Variants in IL31RA observed in about 807,000 individuals in gnomAD.
IL31RA encodes the protein interleukin-31 receptor subunit alpha.
A neutral mutation model predicts 83.7 loss-of-function variants in IL31RA; 66 were observed. That is an observed-to-expected ratio of 0.79 (90% CI 0.65 to 0.97). The LOEUF (loss-of-function observed/expected upper bound fraction) is 0.97, where lower values mean the gene tolerates loss of function less well. IL31RA is among the 50% of genes least tolerant of loss of function. The pLI, the probability that IL31RA is intolerant of heterozygous loss-of-function variation, is 0.00. For synonymous variants in IL31RA, 325 were observed against 329.0 expected (o/e 0.99, Z 0.13); for missense variants, 798 against 919.4 (o/e 0.87, Z 1.71).
At chr5:55,908,757 C>T in intron 11 of IL31RA, 1 of 1,432,494 alleles carries the variant, frequency 7.0e-7, no homozygotes, top group Non-Finnish European at 9.1e-7. Flanking sequence ...AGGAACAGAC[C>T]CTGTCACCAT....
chr5:55,842,136 T>C, the IL31RA span, among the ~76,000 whole-genome samples: 102,024 of 151,788 alleles, frequency 0.67, 34,911 homozygotes, highest in Non-Finnish European at 0.73. Context: ...CCTTGGTGCT[T>C]CTTGATTTGT....
upstream of IL31RA, among the ~76,000 whole-genome samples, chr5:55,847,584 G>A (rs953743997): frequency 3.9e-5 from 6 of 151,992 alleles, no homozygotes; most frequent in Non-Finnish European, 5.9e-5. Flanking sequence ...TCTGTCCCCC[G>A]CCAAAAAAAG....
rs1429246724 is a variant in IL31RA at position 55,922,719 on chromosome 5, T to C, written c.*5599T>C. Reference sequence around the variant, plus strand: ...TTCATACAAAAAAGCCATAATACCATTTTCATGTAATGCTATACTTCTATA... The same window carrying C: ...TTCATACAAAAAAGCCATAATACCACTTTCATGTAATGCTATACTTCTATA... On this transcript the variant is annotated 3_prime_UTR_variant, in exon 15 of 15. Transcript: ENST00000652347. 2.2e-6 allele frequency: 1 copy of C among 445,270 alleles called. No homozygotes were observed. The highest frequency in any genetic ancestry group is 5.8e-4 in the Middle Eastern group (1 of 1,722). The allele number at this position is 445,270 out of a possible 1,614,324, so 27.6% of individuals were successfully genotyped here.
At chr5:55,898,663 TAA>T (rs1748605925) in intron 7 of IL31RA, among the ~76,000 whole-genome samples, 1 of 55,182 alleles carries the variant, frequency 1.8e-5, no homozygotes, top group Non-Finnish European at 3.2e-5. Context: ...AATAACATAT[TAA>T]TATGTTTTTT....
At chr5:55,844,906 A>G in the IL31RA span, among the ~76,000 whole-genome samples, 185 of 152,268 alleles carry the variant, frequency 1.2e-3, 2 homozygotes, top group East Asian at 0.031. Flanking sequence ...TGTGACCCCA[A>G]TAAAGGCATT....
chr5:55,867,304 C>CGTGTGTGTGTGTGTGTGCGTGTGTGTGT (rs70995742), intron 2 of IL31RA, among the ~76,000 whole-genome samples: 2 of 118,258 alleles, frequency 1.7e-5, no homozygotes, highest in Non-Finnish European at 3.4e-5. Context: ...TGTGTGTGTG[C>CGTGTGTGTGTGTGTGTGCGTGTGTGTGT]GTGTGTGTGT....
chr5:55,869,665 G>T (rs955772242), intron 3 of IL31RA, among the ~76,000 whole-genome samples: 1 of 151,960 alleles, frequency 6.6e-6, no homozygotes, highest in Non-Finnish European at 1.5e-5. Flanking sequence ...GTAGAGACAG[G>T]GTTTCACCAT....
At chr5:55,864,290 G>C (rs80092122) in intron 2 of IL31RA, among the ~76,000 whole-genome samples, 80 of 144,484 alleles carry the variant, frequency 5.5e-4, no homozygotes, top group Non-Finnish European at 9.1e-4. Context: ...TATACACACA[G>C]ACACACACAC....
chr5:55,895,843 T>C (rs930744577), intron 6 of IL31RA, among the ~76,000 whole-genome samples: 1 of 152,226 alleles, frequency 6.6e-6, no homozygotes, highest in Non-Finnish European at 1.5e-5. Context: ...AATTTAGAGC[T>C]CAAGGAGGGA....
chr5:55,901,099 C>G (rs1748777327), intron 8 of IL31RA, among the ~76,000 whole-genome samples: 1 of 152,214 alleles, frequency 6.6e-6, no homozygotes, highest in Admixed American at 6.5e-5. Flanking sequence ...ATCTCTTCTC[C>G]TTAAACCCTC....
In IL31RA at chr5:55,903,461, C is replaced by T. The variant is rs1375206300; in HGVS notation, c.1070-2645C>T. On this transcript the variant is annotated intron_variant, in intron 8 of 14. Transcript: ENST00000652347. The surrounding 1 kb of genome is among the most constrained non-coding windows in gnomAD (Gnocchi z 4.7). ...CTTGTTGAATGATGGAAGGACCCGG[C>T]GATTCGTTTATATTGAGTAGAGTGA... Among the ~76,000 whole-genome samples, 1 of 152,168 alleles carries T rather than the reference C, an allele frequency of 6.6e-6. No homozygotes were observed. The highest frequency in any genetic ancestry group is 1.5e-5 in the Non-Finnish European group (1 of 68,032).
rs148416758 is a variant in IL31RA, at chr5:55,907,029, T to C, written c.1253-330T>C. On this transcript the variant is annotated intron_variant, in intron 9 of 14. Coordinates refer to ENST00000652347, the MANE Select transcript of IL31RA (RefSeq NM_139017.7). The stretch of plus-strand genomic sequence containing the variant: ...GTTTGAGATCCACAGGGTGATGATA[T>C]GTTGTTCTAGAACTTAATTAGGCAG... Among the ~76,000 whole-genome samples the C allele has an allele frequency of 5.1e-3, 780 of 152,368 alleles. 10 individuals carry two copies. The highest frequency in any genetic ancestry group is 0.018 in the African/African-American group (755 of 41,584).
chr5:55,847,104 A>C (rs528969411), upstream of IL31RA, among the ~76,000 whole-genome samples: 1 of 150,276 alleles, frequency 6.7e-6, no homozygotes, highest in Admixed American at 6.7e-5. Context: ...TTAGCTGGGC[A>C]TGGTGGTGTG....
chr5:55,872,519 A>G, intron 4 of IL31RA, 68 bp downstream of exon 4: 2 of 1,127,616 alleles, frequency 1.8e-6, no homozygotes, highest in East Asian at 2.4e-5. Flanking sequence ...TTCAAGAGGT[A>G]TCTGTGGACT....
At chr5:55,898,916 C>T (rs756904156) in intron 7 of IL31RA, among the ~76,000 whole-genome samples, 7 of 151,818 alleles carry the variant, frequency 4.6e-5, no homozygotes, top group East Asian at 1.9e-4. Context: ...CCCAGCTACT[C>T]GGGAGGCTGA....
chr5:55,866,073 A>T (rs1200593876), intron 2 of IL31RA, among the ~76,000 whole-genome samples: 1 of 152,124 alleles, frequency 6.6e-6, no homozygotes, highest in Non-Finnish European at 1.5e-5. Context: ...TTCCTCTGTG[A>T]ATGGAAGCTG....
At chr5:55,860,325 T>C (rs749852124) in intron 2 of IL31RA, among the ~76,000 whole-genome samples, 1 of 151,450 alleles carries the variant, frequency 6.6e-6, no homozygotes, top group African/African-American at 2.4e-5. Flanking sequence ...GCCTAGATTG[T>C]GCCACGGCAC....
chr5:55,913,337 G>C (rs1749610785), intron 12 of IL31RA, 140 bp from the exon 13 acceptor site: 1 of 692,162 alleles, frequency 1.4e-6, no homozygotes. Context: ...GGTTTTTTTA[G>C]TGGAAAGAAA....
At chr5:55,878,448 G>C (rs1746994326) in intron 4 of IL31RA, among the ~76,000 whole-genome samples, 1 of 152,092 alleles carries the variant, frequency 6.6e-6, no homozygotes, top group Admixed American at 6.6e-5. Context: ...TAAAAATTGG[G>C]CATTGGAAAA....
Sources: allele counts gnomAD v4.1 joint callset (sites outside exome capture counted in the v4.1 genomes callset), GRCh38; gene constraint gnomAD v4.1.1; non-coding constraint Gnocchi (gnomAD v3.1); transcripts MANE v1.5; gene names NCBI Gene and HGNC (gene_info 2026-07-23, HGNC 2026-07-21).